The following HPS3 variants were observed in gnomAD, a reference collection of about 807,000 sequenced individuals.
HPS3 encodes BLOC-2 complex member HPS3.
A neutral mutation model predicts 110.9 loss-of-function variants in HPS3; 79 were observed. The ratio of observed to expected loss-of-function variants is 0.71; its 90% CI spans 0.59 to 0.86. The LOEUF (loss-of-function observed/expected upper bound fraction) is 0.86. Ranked by LOEUF, HPS3 falls within the 40% of genes least tolerant of loss-of-function variation. The pLI, the probability that HPS3 is intolerant of heterozygous loss-of-function variation, is 0.00. For synonymous variants in HPS3, 428 were observed against 451.0 expected (o/e 0.95, Z 0.65); for missense variants, 1,197 against 1,206.2 (o/e 0.99, Z 0.11).
At position 149,141,328 on chromosome 3, in the gene HPS3, G is replaced by T; in HGVS notation, c.918G>T (p.Leu306Phe). Residue 306 changes from leucine to phenylalanine, a missense_variant, in exon 4 of 17, where the codon TTG becomes TTT. Transcript: ENST00000296051. ...RFAPDISSYVLSDDIKLHSLQ... is the reference protein window; with the variant it reads ...RFAPDISSYVFSDDIKLHSLQ... ...CTCCTGATATTTCGTCCTATGTCTT[G>T]TCTGATGACATCAAGCTACATTCCC... 1.2e-6 allele frequency: 2 copies of T among 1,611,710 alleles called. No homozygotes were observed. Among genetic ancestry groups the T allele is most frequent in the Non-Finnish European group, 1.7e-6 (2 of 1,179,552 alleles).
In HPS3 at chr3:149,138,765, A is replaced by G. The variant is rs146439845; in HGVS notation, c.218-1239A>G. 3.9e-3 allele frequency among the ~76,000 whole-genome samples: 600 copies of G among 152,350 alleles called. 8 individuals carry two copies. Among genetic ancestry groups the G allele is most frequent in the African/African-American group, 0.014 (573 of 41,590 alleles). ...TTGGACATCATGCAGAAGAGAAACT[A>G]TACATGGCTGATAAACGTAGGAAAA... On this transcript the variant is annotated intron_variant, in intron 1 of 16. Transcript: ENST00000296051.
At chr3:149,141,411 G>A in intron 4 of HPS3, 31 bp downstream of exon 4, 2 of 1,547,460 alleles carry the variant, frequency 1.3e-6, no homozygotes, top group Non-Finnish European at 8.9e-7. Context: ...GTGCGACAGT[G>A]CAGCAAGGTG....
rs886058083 is a variant in HPS3, at chr3:149,172,461, G to A, written c.*239G>A. Reference sequence around the variant, plus strand: ...AATTTAATTGTCTAGAATGTAAAAAGTCTTTAAGACATAAGAATTCCTCAA... The same window carrying A: ...AATTTAATTGTCTAGAATGTAAAAAATCTTTAAGACATAAGAATTCCTCAA... On this transcript the variant is annotated 3_prime_UTR_variant, in exon 17 of 17. Coordinates refer to ENST00000296051, the MANE Select transcript of HPS3 (RefSeq NM_032383.5). The A allele has an allele frequency of 7.6e-6, 3 of 396,846 alleles. No homozygotes were observed. Among genetic ancestry groups the A allele is most frequent in the Admixed American group, 3.8e-5 (1 of 26,126 alleles). The allele number at this position is 396,846 out of a possible 1,614,324, so 24.6% of individuals were successfully genotyped here.
At chr3:149,134,855 C>A (rs1017946019) in intron 1 of HPS3, among the ~76,000 whole-genome samples, 2 of 152,152 alleles carry the variant, frequency 1.3e-5, no homozygotes, top group Non-Finnish European at 2.9e-5. Context: ...AAGTTTCAGT[C>A]CACAGCTTGA....
At chr3:149,156,674 T>G (rs1399026089) in intron 8 of HPS3, among the ~76,000 whole-genome samples, 1 of 152,118 alleles carries the variant, frequency 6.6e-6, no homozygotes, top group Non-Finnish European at 1.5e-5. Flanking sequence ...AGGCACATGC[T>G]GTTCATCTAC....
At position 149,163,868 on chromosome 3, in the gene HPS3, A is replaced by G; in HGVS notation, c.2508A>G (p.Leu836=). 6.4e-7 allele frequency: 1 copy of G among 1,573,204 alleles called. No individual in the cohort carries two copies. ...TAAATGCCTGTAGTCATTATGGCTT[A>G]ATTTATCCATGGGTTCACGTCGTAA... ...DLINACSHYG[L]IYPWVHVVIS... Residue 836 remains leucine (L), a synonymous_variant, in exon 14 of 17, where the codon TTA becomes TTG. Coordinates refer to ENST00000296051, the MANE Select transcript of HPS3 (RefSeq NM_032383.5).
At chr3:149,165,973 A>G (rs1000248652) in intron 14 of HPS3, 4 of 455,800 alleles carry the variant, frequency 8.8e-6, no homozygotes, top group African/African-American at 8.0e-5. Context: ...TCCTTGGTAG[A>G]TATTTGGAAT....
chr3:149,133,789 G>T (rs1721910663), intron 1 of HPS3, among the ~76,000 whole-genome samples: 2 of 152,044 alleles, frequency 1.3e-5, no homozygotes, highest in Non-Finnish European at 2.9e-5. Flanking sequence ...TATGTACATT[G>T]CTTTGTTTTT....
At chr3:149,156,390 C>G (rs1723458871) in intron 8 of HPS3, among the ~76,000 whole-genome samples, 1 of 152,132 alleles carries the variant, frequency 6.6e-6, no homozygotes, top group African/African-American at 2.4e-5. Flanking sequence ...ATAGCATTTC[C>G]CCTTCTCCAG....
chr3:149,160,546 G>A (rs1482984949), intron 11 of HPS3, among the ~76,000 whole-genome samples: 1 of 152,224 alleles, frequency 6.6e-6, no homozygotes, highest in African/African-American at 2.4e-5. Flanking sequence ...CTAAAGAACA[G>A]GCTCTGCTCC....
At chr3:149,155,391 C>A (rs1345418232) in intron 8 of HPS3, among the ~76,000 whole-genome samples, 176 bp downstream of exon 8, 1 of 152,178 alleles carries the variant, frequency 6.6e-6, no homozygotes, top group Non-Finnish European at 1.5e-5. Context: ...CTTCTGACAT[C>A]CGAGGAACCA....
intron 6 of HPS3, among the ~76,000 whole-genome samples, chr3:149,152,583 C>T (rs542500292): frequency 1.3e-5 from 2 of 152,268 alleles, no homozygotes; most frequent in African/African-American, 4.8e-5. Context: ...ACGTTTAGCC[C>T]ACCTGCTGAC....
intron 4 of HPS3, among the ~76,000 whole-genome samples, chr3:149,142,942 A>G (rs141467890): frequency 3.4e-4 from 51 of 152,190 alleles, no homozygotes; most frequent in African/African-American, 1.2e-3. Context: ...TCACTTGGGA[A>G]TAGGGTTGGG....
intron 14 of HPS3, among the ~76,000 whole-genome samples, chr3:149,165,049 A>G (rs890874217): frequency 2.0e-5 from 3 of 152,190 alleles, no homozygotes; most frequent in African/African-American, 7.2e-5. Context: ...CAGAGATGGC[A>G]TTATTTATGT....
intron 1 of HPS3, among the ~76,000 whole-genome samples, chr3:149,132,604 T>C (rs2108116876): frequency 6.6e-6 from 1 of 152,352 alleles, no homozygotes; most frequent in African/African-American, 2.4e-5. Flanking sequence ...TGATGTTGTT[T>C]TTATGCCTGC....
Position 149,158,807 on chromosome 3 carries a change from T to C in HPS3, c.1833T>C (p.Asn611=), listed in dbSNP as rs1420247431. 10 of 1,605,410 alleles carry C rather than the reference T, an allele frequency of 6.2e-6. No individual in the cohort carries two copies. In the Admixed American group the frequency reaches 1.5e-4, roughly 24 times the overall value. ...KYERGLIFYI[N]HSLYENLDEE... The stretch of plus-strand genomic sequence containing the variant: ...AGAGAGGATTAATCTTTTACATTAA[T>C]CATTCACTTTATGAAAACCTGGATG... The change falls in exon 10 of 17, where the codon AAT becomes AAC. Residue 611 remains asparagine, a synonymous_variant. Transcript: ENST00000296051.
intron 13 of HPS3, 45 bp downstream of exon 13, chr3:149,162,923 C>A: frequency 7.0e-7 from 1 of 1,432,692 alleles, no homozygotes; most frequent in Non-Finnish European, 9.8e-7. Context: ...ATGCATTGCC[C>A]ATTACAAAAA....
At position 149,140,390 on chromosome 3, in the gene HPS3, T is replaced by A; in HGVS notation, c.604T>A (p.Ser202Thr). ...SFCVGYVAVM[S>T]DLEVLIVKLE... ...TTGTGTTGGATATGTTGCTGTCATG[T>A]CAGACTTAGAAGTCTTAATCGTAAA... The change falls in exon 2 of 17, where the codon TCA (serine) becomes ACA (threonine). Residue 202 changes from serine to threonine, a missense_variant. Transcript: ENST00000296051. 2 of 1,610,510 alleles carry A rather than the reference T, an allele frequency of 1.2e-6. No individual in the cohort carries two copies. Among genetic ancestry groups the A allele is most frequent in the Non-Finnish European group, 1.7e-6 (2 of 1,177,956 alleles).
In HPS3 at chr3:149,153,019, G is replaced by T. The variant is rs1040067082; in HGVS notation, c.1246-475G>T. On this transcript the variant is annotated intron_variant, in intron 6 of 16. Transcript: ENST00000296051. ...TTTCTTTCACACACACATCCGCAAA[G>T]AAACCATTTTATGTACTCTACAAGC... Among the ~76,000 whole-genome samples the T allele has an allele frequency of 5.8e-4, 89 of 152,164 alleles. 1 individual carries two copies. The highest frequency in any genetic ancestry group is 8.8e-5 in the Non-Finnish European group (6 of 68,038).
Sources: allele counts gnomAD v4.1 joint callset (sites outside exome capture counted in the v4.1 genomes callset), GRCh38; gene constraint gnomAD v4.1.1; transcripts MANE v1.5; gene names NCBI Gene and HGNC (gene_info 2026-07-23, HGNC 2026-07-21).